Variants in TTC27 observed in about 807,000 individuals in gnomAD.
TTC27 encodes tetratricopeptide repeat protein 27.
A neutral mutation model predicts 115.9 loss-of-function variants in TTC27; 79 were observed. The observed-to-expected ratio is 0.68, with a 90% CI of 0.57 to 0.82. The LOEUF is 0.82. Ranked by LOEUF, TTC27 falls within the 40% of genes least tolerant of loss-of-function variation. TTC27 has a pLI of 0.00. For synonymous variants in TTC27, 401 were observed against 356.0 expected, an observed-to-expected ratio of 1.13 and a Z score of -1.42; for missense variants, 1,054 against 993.1, an observed-to-expected ratio of 1.06 and a Z score of -0.82.
At chr2:32,786,958 T>G (rs752589093) in intron 15 of TTC27, 26 bp from the exon 16 acceptor site, 3 of 1,579,426 alleles carry the variant, frequency 1.9e-6, no homozygotes, top group Non-Finnish European at 2.6e-6. Context: ...TCATTATTGC[T>G]CTCTTTAAAA....
At chr2:32,798,475 G>T (rs933939920) in intron 16 of TTC27, among the ~76,000 whole-genome samples, 45 of 151,712 alleles carry the variant, frequency 3.0e-4, no homozygotes, top group African/African-American at 1.0e-3. Flanking sequence ...AGGCCGAGGC[G>T]GGCGGATCAC....
At chr2:32,777,055 G>A (rs1486929671) in intron 13 of TTC27, among the ~76,000 whole-genome samples, 1 of 151,952 alleles carries the variant, frequency 6.6e-6, no homozygotes, top group East Asian at 1.9e-4. Flanking sequence ...CATCTAATTG[G>A]CTTAGGTCAT....
chr2:32,640,053 G>C (rs1220585236), intron 3 of TTC27, among the ~76,000 whole-genome samples: 1 of 152,088 alleles, frequency 6.6e-6, no homozygotes, highest in Non-Finnish European at 1.5e-5. Flanking sequence ...AATCAAGTTT[G>C]ATCAGATGGG....
At chr2:32,741,772 A>T (rs1448927634) in intron 12 of TTC27, among the ~76,000 whole-genome samples, 1 of 152,206 alleles carries the variant, frequency 6.6e-6, no homozygotes, top group African/African-American at 2.4e-5. Flanking sequence ...CTAGTAAGTG[A>T]TCACTCAATA....
intron 12 of TTC27, among the ~76,000 whole-genome samples, chr2:32,741,023 C>A (rs1668616222): frequency 6.6e-6 from 1 of 152,222 alleles, no homozygotes; most frequent in African/African-American, 2.4e-5. Flanking sequence ...CCCCTTCATA[C>A]CTACTCTGTC....
chr2:32,685,934 G>T (rs1018114140), intron 9 of TTC27, among the ~76,000 whole-genome samples: 2 of 152,128 alleles, frequency 1.3e-5, no homozygotes, highest in African/African-American at 4.8e-5. Flanking sequence ...TTTATGCAGA[G>T]GTGACATGTT....
rs116209856 is a variant in TTC27, at chr2:32,783,246, G to A, written c.1832+568G>A. On this transcript the variant is annotated intron_variant, in intron 15 of 19. Coordinates refer to ENST00000317907, the MANE Select transcript of TTC27 (RefSeq NM_017735.5). ...CCAGCCACTCATTTAGTCTTGTGAG[G>A]ATCAAAGAAGAGAGAAATCATGTCA... is the stretch of plus-strand genomic sequence containing the variant. 9.2e-3 allele frequency among the ~76,000 whole-genome samples: 1,402 copies of A among 152,224 alleles called. 12 individuals are homozygous for A. Among genetic ancestry groups the A allele is most frequent in the Middle Eastern group, 0.024 (7 of 294 alleles).
intron 10 of TTC27, among the ~76,000 whole-genome samples, chr2:32,723,728 C>CTCCGTCCTTCCTTCCTTCCTTCCT (rs1454826952): frequency 0.018 from 537 of 29,530 alleles, 27 homozygotes; most frequent in South Asian, 0.062. Context: ...CCCTCCCTCC[C>CTCCGTCCTTCCTTCCTTCCTTCCT]TCCTTCCTTC....
chr2:32,661,386 T>G (rs1264343485), intron 5 of TTC27, among the ~76,000 whole-genome samples: 1 of 152,246 alleles, frequency 6.6e-6, no homozygotes, highest in African/African-American at 2.4e-5. Flanking sequence ...CCATATTGAT[T>G]CTTCCTATCC....
intron 16 of TTC27, among the ~76,000 whole-genome samples, chr2:32,799,699 A>G (rs561605883): frequency 1.3e-5 from 2 of 152,370 alleles, no homozygotes; most frequent in Admixed American, 6.5e-5. Context: ...TCCTTATTAT[A>G]TAAAGAGTTA....
chr2:32,662,722 CT>C (rs1665597390), intron 5 of TTC27, among the ~76,000 whole-genome samples: 2 of 152,004 alleles, frequency 1.3e-5, no homozygotes, highest in Non-Finnish European at 2.9e-5. Context: ...AAAACCAGCT[CT>C]TGGATTCATT....
chr2:32,673,399 G>T (rs1405096038), intron 8 of TTC27, among the ~76,000 whole-genome samples: 1 of 151,810 alleles, frequency 6.6e-6, no homozygotes, highest in Non-Finnish European at 1.5e-5. Flanking sequence ...TAATTTTTTT[G>T]TATTTTTAGT....
intron 18 of TTC27, 100 bp downstream of exon 18, chr2:32,812,715 T>TC (rs2148048483): frequency 1.2e-6 from 1 of 811,932 alleles, no homozygotes; most frequent in Non-Finnish European, 2.0e-6. Context: ...ATAAATAGTA[T>TC]CAAATTATTT....
At chr2:32,799,315 G>T (rs1670840672) in intron 16 of TTC27, among the ~76,000 whole-genome samples, 1 of 152,104 alleles carries the variant, frequency 6.6e-6, no homozygotes, top group South Asian at 2.1e-4. Context: ...GCTGGTGATG[G>T]TTGTACAACA....
chr2:32,798,479 G>C (rs373584390), intron 16 of TTC27, among the ~76,000 whole-genome samples: 2 of 145,946 alleles, frequency 1.4e-5, no homozygotes, highest in Non-Finnish European at 3.0e-5. Context: ...CGAGGCGGGC[G>C]GATCACGAGG....
chr2:32,767,447 T>G (rs1201433284), intron 13 of TTC27, among the ~76,000 whole-genome samples: 2 of 79,872 alleles, frequency 2.5e-5, no homozygotes, highest in Admixed American at 1.3e-4. Context: ...TTATAAGTTT[T>G]TTTTTGTTTT....
chr2:32,789,590 T>G (rs1670460529), intron 16 of TTC27, among the ~76,000 whole-genome samples: 1 of 152,094 alleles, frequency 6.6e-6, no homozygotes, highest in African/African-American at 2.4e-5. Flanking sequence ...GGATGCCAAA[T>G]CAAAATCATT....
intron 16 of TTC27, among the ~76,000 whole-genome samples, chr2:32,796,000 A>G (rs1470507595): frequency 6.6e-6 from 1 of 152,192 alleles, no homozygotes; most frequent in Non-Finnish European, 1.5e-5. Flanking sequence ...AAGACATCCA[A>G]ATTGGTAAGA....
At chr2:32,778,220 T>A (rs767789400) in intron 14 of TTC27, among the ~76,000 whole-genome samples, 2 of 152,244 alleles carry the variant, frequency 1.3e-5, no homozygotes, top group African/African-American at 4.8e-5. Flanking sequence ...TCACTGAATG[T>A]ATAGCAAAGT....
Sources: gnomAD v4.1 joint callset for allele counts (sites outside exome capture counted in the v4.1 genomes callset) on GRCh38, gnomAD v4.1.1 for gene constraint, MANE v1.5 for transcripts, NCBI Gene and HGNC (gene_info 2026-07-23, HGNC 2026-07-21) for gene names.